SLC31A1: variants seen among roughly 807,000 people sequenced by gnomAD.
SLC31A1 encodes the protein high affinity copper uptake protein 1.
In SLC31A1, 5 loss-of-function variants were observed where a neutral mutation model predicts 17.2. The ratio of observed to expected loss-of-function variants is 0.29; its 90% confidence interval spans 0.15 to 0.61. SLC31A1 has a LOEUF of 0.61. Among genes scored for constraint, SLC31A1 ranks in the 20% least tolerant of loss-of-function variants. SLC31A1 has a pLI of 0.86. For synonymous variants in SLC31A1, 76 were observed against 78.8 expected (o/e 0.96, Z 0.19); for missense variants, 161 against 241.4 (o/e 0.67, Z 2.21).
At chr9:113,249,729 A>G (rs2119008535) in intron 1 of SLC31A1, among the ~76,000 whole-genome samples, 1 of 152,318 alleles carries the variant, frequency 6.6e-6, no homozygotes, top group East Asian at 1.9e-4. Flanking sequence ...TATTTTAGGT[A>G]GATTTTATCA....
chr9:113,247,939 AT>A (rs1274033624), intron 1 of SLC31A1, among the ~76,000 whole-genome samples: 2 of 152,322 alleles, frequency 1.3e-5, no homozygotes, highest in East Asian at 3.9e-4. Flanking sequence ...TTTATTAACT[AT>A]TTTATGTGAA....
At position 113,262,787 on chromosome 9, in the gene SLC31A1, ATAGT is replaced by A. The variant is rs1334598683; in HGVS notation, c.*2319_*2322del. 2.0e-5 allele frequency: 3 copies of A among 152,708 alleles called. No homozygotes were observed. The highest frequency in any genetic ancestry group is 2.9e-5 in the Non-Finnish European group (2 of 68,064). 9.5% of individuals were successfully genotyped at this position (152,708 alleles called of 1,614,324 possible). A position where few individuals can be genotyped will look rare whatever the true frequency, so the allele number is the denominator to read the frequency against. On this transcript the variant is annotated 3_prime_UTR_variant, in exon 5 of 5. Transcript: ENST00000374212. ...AACCATGAGAAATAAATAGGAATCA[ATAGT>A]TAGTAGTGACATTGGTGCTCTCTAG...
At position 113,258,686 on chromosome 9, in the gene SLC31A1, A is replaced by G; in HGVS notation, c.203-8A>G. 6.2e-7 allele frequency: 1 copy of G among 1,614,096 alleles called. No individual in the cohort carries two copies. The highest frequency in any genetic ancestry group is 1.3e-5 in the African/African-American group (1 of 75,054). On this transcript the variant is annotated splice_region_variant and splice_polypyrimidine_tract_variant and intron_variant, in intron 3 of 4. Transcript: ENST00000374212. The surrounding 1 kb of genome is among the most constrained non-coding windows in gnomAD (Gnocchi z 4.8). ...GACAGTACCTCCATATTTTCCTTCC[A>G]TACTTAGAAATGGCTGGAGCTTTTG...
chr9:113,259,583 C>CTTTTT (rs34039262), intron 4 of SLC31A1, among the ~76,000 whole-genome samples: 1 of 124,440 alleles, frequency 8.0e-6, no homozygotes, highest in Admixed American at 8.4e-5. Flanking sequence ...TTTTTTCTTT[C>CTTTTT]TTTTTTTTTT....
chr9:113,230,603 G>C (rs982912862), intron 1 of SLC31A1, among the ~76,000 whole-genome samples: 1 of 151,992 alleles, frequency 6.6e-6, no homozygotes, highest in African/African-American at 2.4e-5. Context: ...ATATTTATGG[G>C]GTACAGTGTG....
intron 1 of SLC31A1, among the ~76,000 whole-genome samples, chr9:113,245,021 A>G (rs1831562167): frequency 6.6e-6 from 1 of 152,172 alleles, no homozygotes; most frequent in African/African-American, 2.4e-5. Context: ...CAACTTTAGG[A>G]GTCTTTAAGT....
chr9:113,256,599 T>C, intron 2 of SLC31A1: 1 of 287,122 alleles, frequency 3.5e-6, no homozygotes, highest in Non-Finnish European at 6.7e-6. Flanking sequence ...CAGTGGCTCA[T>C]GCCTGTAATC....
chr9:113,255,585 G>T (rs968083239), intron 1 of SLC31A1, among the ~76,000 whole-genome samples: 1 of 152,064 alleles, frequency 6.6e-6, no homozygotes, highest in African/African-American at 2.4e-5. Context: ...TGGTAGTGGT[G>T]CAGGCCTGTG....
chr9:113,250,848 T>A (rs529433434), intron 1 of SLC31A1, among the ~76,000 whole-genome samples: 13 of 152,056 alleles, frequency 8.5e-5, no homozygotes, highest in Admixed American at 2.6e-4. Context: ...AGTAAATTAA[T>A]GTCCACTCTC....
chr9:113,222,260 A>G (rs1307635591), intron 1 of SLC31A1, among the ~76,000 whole-genome samples: 1 of 152,088 alleles, frequency 6.6e-6, no homozygotes, highest in Non-Finnish European at 1.5e-5. Flanking sequence ...CAGAAGAGCT[A>G]AGATATTCTG....
At chr9:113,248,003 C>T (rs1323925798) in intron 1 of SLC31A1, among the ~76,000 whole-genome samples, 2 of 152,054 alleles carry the variant, frequency 1.3e-5, no homozygotes, top group African/African-American at 4.8e-5. Flanking sequence ...AATTCCTAGA[C>T]CATTTCTCAT....
intron 4 of SLC31A1, among the ~76,000 whole-genome samples, 170 bp from the exon 5 acceptor site, chr9:113,260,102 C>T (rs1489541931): frequency 6.6e-6 from 1 of 152,160 alleles, no homozygotes; most frequent in Non-Finnish European, 1.5e-5. Context: ...GCCTGACAGC[C>T]CTGTGCTGTT....
At chr9:113,221,832 C>T (rs1303321502) in intron 1 of SLC31A1, among the ~76,000 whole-genome samples, 154 bp downstream of exon 1, 1 of 152,212 alleles carries the variant, frequency 6.6e-6, no homozygotes, top group African/African-American at 2.4e-5. Context: ...TCGGCCCGGC[C>T]CCTGCAGTGG....
In SLC31A1 at chr9:113,261,707, T is replaced by G. The variant is rs1342711248; in HGVS notation, c.*1234T>G. On this transcript the variant is annotated 3_prime_UTR_variant, in exon 5 of 5. Transcript: ENST00000374212. ...CTGTAGGGCTTGTTAAAACACTAAT[T>G]GCTGGGCCTCAACCCAAAAGCCCCC... 1 of 152,512 alleles carries G rather than the reference T, an allele frequency of 6.6e-6. No homozygotes were observed. 9.4% of individuals were successfully genotyped at this position (152,512 alleles called of 1,614,324 possible).
chr9:113,228,453 A>G (rs74862752), intron 1 of SLC31A1, among the ~76,000 whole-genome samples: 2 of 152,144 alleles, frequency 1.3e-5, no homozygotes, highest in African/African-American at 2.4e-5. Flanking sequence ...TAACTAAAAG[A>G]CCTTTTCAGT....
intron 4 of SLC31A1, 24 bp from the exon 5 acceptor site, chr9:113,260,248 G>T: frequency 6.2e-7 from 1 of 1,608,328 alleles, no homozygotes. Context: ...GTCCCTGATT[G>T]TTGTGTCCCT....
At chr9:113,241,497 A>T (rs889210241) in intron 1 of SLC31A1, among the ~76,000 whole-genome samples, 8 of 152,188 alleles carry the variant, frequency 5.3e-5, no homozygotes, top group Non-Finnish European at 2.9e-5. Context: ...CCCCAGAGGT[A>T]TTTGAACAGT....
Position 113,262,195 on chromosome 9 carries a change from C to T in SLC31A1, c.*1722C>T, listed in dbSNP as rs927918399. ...TTGATGGCCAGGTTTTCCTCAGGCT[C>T]CAACAACTGTGCTTATACCAAGCAG... On this transcript the variant is annotated 3_prime_UTR_variant, in exon 5 of 5. Transcript: ENST00000374212. 1 of 152,606 alleles carries T rather than the reference C, an allele frequency of 6.6e-6. No individual in the cohort carries two copies. The highest frequency in any genetic ancestry group is 2.4e-5 in the African/African-American group (1 of 41,432). The allele number at this position is 152,606 out of a possible 1,614,324, so 9.5% of individuals were successfully genotyped here. A position where few individuals can be genotyped will look rare whatever the true frequency, so the allele number is the denominator to read the frequency against.
intron 1 of SLC31A1, among the ~76,000 whole-genome samples, chr9:113,237,527 C>T (rs1275320762): frequency 1.3e-5 from 2 of 151,938 alleles, no homozygotes; most frequent in African/African-American, 4.8e-5. Flanking sequence ...TGTTGAGAGA[C>T]TAGGAACATA....
Sources: allele counts gnomAD v4.1 joint callset (sites outside exome capture counted in the v4.1 genomes callset), GRCh38; gene constraint gnomAD v4.1.1; non-coding constraint Gnocchi (gnomAD v3.1); transcripts MANE v1.5; gene names NCBI Gene and HGNC (gene_info 2026-07-23, HGNC 2026-07-21).